Variants in GRSF1 observed in about 807,000 individuals in gnomAD.
GRSF1 encodes G-rich sequence factor 1.
GRSF1 carries 50 observed loss-of-function variants against 51.1 expected under a neutral mutation model. The observed-to-expected ratio is 0.98, with a 90% CI of 0.78 to 1.24. The LOEUF (loss-of-function observed/expected upper bound fraction) is 1.24, where lower values mean the gene tolerates loss of function less well. Ranked by LOEUF, GRSF1 falls within the 50% of genes most tolerant of loss-of-function variation. GRSF1 has a pLI of 0.00. For missense variants in GRSF1, 700 were observed against 639.7 expected (o/e 1.09, Z -1.02); for synonymous variants, 293 against 253.3 (o/e 1.16, Z -1.49).
chr4:70,836,130 A>T, intron 2 of GRSF1, 28 bp downstream of exon 2: 1 of 1,313,796 alleles, frequency 7.6e-7, no homozygotes, highest in East Asian at 2.8e-5. Flanking sequence ...GAAAAAAAAT[A>T]AATAAATAAA....
At chr4:70,838,813 A>C in intron 1 of GRSF1, 1 of 195,534 alleles carries the variant, frequency 5.1e-6, no homozygotes, top group Non-Finnish European at 1.1e-5. Context: ...CCTCCCCCCA[A>C]CAGCTAAATC....
In GRSF1 at chr4:70,818,197, G is replaced by A. The variant is rs1733381049; in HGVS notation, c.*2690C>T. ...GGGATTACAGGCGTGTGCCACACCT[G>A]GCTAATTTTTGCATTTTCAGTAGAG... On this transcript the variant is annotated 3_prime_UTR_variant, in exon 10 of 10. Coordinates refer to ENST00000254799, the MANE Select transcript of GRSF1 (RefSeq NM_002092.4). The A allele has an allele frequency of 6.6e-6, 1 of 152,076 alleles. No homozygotes were observed. Among genetic ancestry groups the A allele is most frequent in the Non-Finnish European group, 1.5e-5 (1 of 68,042 alleles). The allele number at this position is 152,076 out of a possible 1,614,324, so 9.4% of individuals were successfully genotyped here. A position where few individuals can be genotyped will look rare whatever the true frequency, so the allele number is the denominator to read the frequency against.
rs928064876 is a variant in GRSF1, at chr4:70,839,788, C to G, written c.40G>C (p.Gly14Arg). Residue 14 changes from glycine (G) to arginine (R), a missense_variant, in exon 1 of 10, where the codon GGC (glycine) becomes CGC (arginine). Coordinates refer to ENST00000254799, the MANE Select transcript of GRSF1 (RefSeq NM_002092.4). The part of the protein sequence containing the change: ...TRWVLGALLR[G>R]CGCNCSSCRR... ...CAGCTGCTGCAGTTACAGCCGCAGC[C>G]CCGGAGCAGCGCCCCGAGTACCCAG... The G allele has an allele frequency of 8.0e-6, 12 of 1,505,342 alleles. No individual in the cohort carries two copies. The Admixed American group carries it at 1.2e-4, about 15-fold the overall frequency. The allele number at this position is 1,505,342 out of a possible 1,614,324, so 93.2% of individuals were successfully genotyped here.
In GRSF1 at chr4:70,825,368, C is replaced by T. The variant is rs374217828; in HGVS notation, c.1321G>A (p.Gly441Arg). Residue 441 changes from glycine to arginine, a missense_variant, in exon 8 of 10, where the codon GGA becomes AGA. Physicochemically the swap from Gly to Arg is moderately radical, Grantham distance 125. Transcript: ENST00000254799. ...GTCTCAAAGTGCACATCAGCTTCTC[C>T]AGTGGCCTTCCCACTGGAGCTGTAT... is the stretch of plus-strand genomic sequence containing the variant. ...MEYSSSGKAT[G>R]EADVHFETHE... The T allele has an allele frequency of 1.9e-6, 3 of 1,611,874 alleles. No homozygotes were observed. Among genetic ancestry groups the T allele is most frequent in the Non-Finnish European group, 2.5e-6 (3 of 1,178,524 alleles).
At chr4:70,823,378 C>A (rs1283207661) in intron 9 of GRSF1, among the ~76,000 whole-genome samples, 2 of 150,452 alleles carry the variant, frequency 1.3e-5, no homozygotes, top group African/African-American at 2.5e-5. Context: ...GCCTGGGCAA[C>A]AAGAGTGAAA....
At chr4:70,841,747 AAAAAACAAAGAAC>A (rs1424281592), upstream of GRSF1, among the ~76,000 whole-genome samples, 12 of 152,248 alleles carry the variant, frequency 7.9e-5, no homozygotes, top group African/African-American at 2.9e-4. Context: ...TTCCCCAACC[AAAAAACAAAGAAC>A]AAGAAAAAAA....
chr4:70,833,139 T>G lies in GRSF1; in HGVS notation c.649A>C (p.Met217Leu). The change falls in exon 3 of 10, where the codon ATG (methionine) becomes CTG (leucine). Residue 217 changes from methionine (M) to leucine (L), a missense_variant. Met to Leu is a conservative substitution (Grantham distance 15, BLOSUM62 2). Transcript: ENST00000254799. ...QKALEKHRMY[M>L]GQRYVEVYEI... ...ATACCTTCCACATACCGCTGGCCCA[T>G]GTACATGCGGTGCTTCTCTAAGGCT... 6.2e-7 allele frequency: 1 copy of G among 1,613,974 alleles called. No homozygotes were observed. Among genetic ancestry groups the G allele is most frequent in the Non-Finnish European group, 8.5e-7 (1 of 1,179,862 alleles).
At chr4:70,821,834 C>T (rs1733522673) in intron 9 of GRSF1, among the ~76,000 whole-genome samples, 1 of 151,942 alleles carries the variant, frequency 6.6e-6, no homozygotes, top group African/African-American at 2.4e-5. Flanking sequence ...CACCACCACA[C>T]CCAGCTAATT....
chr4:70,839,702 G>A lies in GRSF1; in HGVS notation c.126C>T (p.Gly42=), dbSNP rs1390121201. The change falls in exon 1 of 10, where the codon GGC becomes GGT. Residue 42 remains glycine (G), a synonymous_variant. Coordinates refer to ENST00000254799, the MANE Select transcript of GRSF1 (RefSeq NM_002092.4). The part of the protein sequence containing the change: ...FYSAAGSIPS[G]VSGRRRLLLL... Reference sequence around the variant, plus strand: ...GCAGCAGGCGGCGGCGGCCCGAGACGCCCGACGGGATAGAGCCAGCGGCGG... The same window carrying A: ...GCAGCAGGCGGCGGCGGCCCGAGACACCCGACGGGATAGAGCCAGCGGCGG... 6.8e-7 allele frequency: 1 copy of A among 1,467,932 alleles called. No homozygotes were observed. Among genetic ancestry groups the A allele is most frequent in the Non-Finnish European group, 8.9e-7 (1 of 1,120,032 alleles). 90.9% of individuals were successfully genotyped at this position (1,467,932 alleles called of 1,614,324 possible).
At chr4:70,832,260 A>G in intron 4 of GRSF1, 47 bp downstream of exon 4, 1 of 1,557,740 alleles carries the variant, frequency 6.4e-7, no homozygotes, top group Non-Finnish European at 8.8e-7. Context: ...GGAGATACCA[A>G]GGGAAAAAAG....
chr4:70,826,705 G>A (rs907665523), intron 6 of GRSF1, among the ~76,000 whole-genome samples: 4 of 152,020 alleles, frequency 2.6e-5, no homozygotes, highest in African/African-American at 9.7e-5. Context: ...TAAGTTAGCT[G>A]GGCATGGTGA....
At chr4:70,840,402 G>A (rs534780734), upstream of GRSF1, among the ~76,000 whole-genome samples, 21 of 152,334 alleles carry the variant, frequency 1.4e-4, no homozygotes, top group African/African-American at 4.3e-4. Context: ...GAGGCGGGTG[G>A]ACTGCCTGAG....
At chr4:70,821,347 C>T (rs1048767827) in intron 9 of GRSF1, among the ~76,000 whole-genome samples, 1 of 152,254 alleles carries the variant, frequency 6.6e-6, no homozygotes, top group East Asian at 1.9e-4. Flanking sequence ...ATCACTTGAA[C>T]CCAGGAGGCA....
At chr4:70,838,942 A>G in intron 1 of GRSF1, 1 of 352,518 alleles carries the variant, frequency 2.8e-6, no homozygotes, top group Non-Finnish European at 5.4e-6. Context: ...GGGACAGGAG[A>G]GGGAACGGCG....
chr4:70,837,627 T>G (rs1476629092), intron 1 of GRSF1, among the ~76,000 whole-genome samples: 1 of 150,144 alleles, frequency 6.7e-6, no homozygotes, highest in Non-Finnish European at 1.5e-5. Context: ...CTTTCTACTA[T>G]CTGTCATTTT....
rs775135425 is a variant in GRSF1, at chr4:70,825,422, G to T, written c.1267C>A (p.Pro423Thr). ...ATGGTGATTCTAACAGGCTTGAGTG[G>T]AGCAAAAAACTAAACGACAAACAAA... ...NAQDIINFFA[P>T]LKPVRITMEY... Residue 423 changes from proline (P) to threonine (T), a missense_variant, in exon 8 of 10, where the codon CCA becomes ACA. Physicochemically the swap from Pro to Thr is conservative, Grantham distance 38 (BLOSUM62 -1). Coordinates refer to ENST00000254799, the MANE Select transcript of GRSF1 (RefSeq NM_002092.4). 8 of 1,606,762 alleles carry T rather than the reference G, an allele frequency of 5.0e-6. No individual in the cohort carries two copies. Among genetic ancestry groups the T allele is most frequent in the African/African-American group, 2.7e-5 (2 of 74,516 alleles).
chr4:70,836,160 GA>G lies in GRSF1; in HGVS notation c.511del (p.Ser171GlnfsTer16), dbSNP rs1734199423. On this transcript the variant is annotated frameshift_variant, in exon 2 of 10. Coordinates refer to ENST00000254799, the MANE Select transcript of GRSF1 (RefSeq NM_002092.4). LOFTEE classifies it high-confidence loss of function. ...AATAAAACATACATAAAATATACCT[GA>G]AAAAAAGTTAAGCACATCTTCCATA... ...CTMEDVLNFF[S>X]DCRIRNGENG... 1 of 1,509,080 alleles carries G rather than the reference GA, an allele frequency of 6.6e-7. No homozygotes were observed. The highest frequency in any genetic ancestry group is 8.9e-7 in the Non-Finnish European group (1 of 1,129,784). 93.5% of individuals were successfully genotyped at this position (1,509,080 alleles called of 1,614,324 possible). A position where few individuals can be genotyped will look rare whatever the true frequency, so the allele number is the denominator to read the frequency against.
At chr4:70,840,470 C>G (rs569132618), upstream of GRSF1, among the ~76,000 whole-genome samples, 2 of 152,082 alleles carry the variant, frequency 1.3e-5, no homozygotes, top group Non-Finnish European at 2.9e-5. Flanking sequence ...TACTAAAATA[C>G]AAAAAATTAG....
At chr4:70,841,193 C>T (rs959015037), upstream of GRSF1, among the ~76,000 whole-genome samples, 71 of 152,104 alleles carry the variant, frequency 4.7e-4, no homozygotes, top group African/African-American at 1.7e-3. Flanking sequence ...CTTGGGAGGC[C>T]GATTGCTTCA....
Sources: gnomAD v4.1 joint callset for allele counts (sites outside exome capture counted in the v4.1 genomes callset) on GRCh38, gnomAD v4.1.1 for gene constraint, MANE v1.5 for transcripts, NCBI Gene and HGNC (gene_info 2026-07-23, HGNC 2026-07-21) for gene names.